RECK: variants seen among roughly 807,000 people sequenced by gnomAD.
RECK encodes the protein reversion-inducing cysteine-rich protein with Kazal motifs.
A neutral mutation model predicts 115.1 loss-of-function variants in RECK; 69 were observed. The ratio of observed to expected loss-of-function variants is 0.60; its 90% CI spans 0.49 to 0.73. The LOEUF (loss-of-function observed/expected upper bound fraction) is 0.73, where lower values mean the gene tolerates loss of function less well. Ranked by LOEUF, RECK falls within the 30% of genes least tolerant of loss-of-function variation. RECK has a pLI of 0.00. For missense variants in RECK, 1,047 were observed against 1,203.7 expected, an observed-to-expected ratio of 0.87 and a Z score of 1.93; for synonymous variants, 414 against 419.7, an observed-to-expected ratio of 0.99 and a Z score of 0.17.
intron 16 of RECK, among the ~76,000 whole-genome samples, chr9:36,113,705 A>C (rs1052363604): frequency 6.6e-5 from 10 of 152,340 alleles, no homozygotes; most frequent in African/African-American, 1.9e-4. Context: ...AAGGAATATC[A>C]CAGAGAAAGC....
intron 4 of RECK, among the ~76,000 whole-genome samples, chr9:36,062,532 C>T (rs1050827994): frequency 6.6e-6 from 1 of 151,900 alleles, no homozygotes; most frequent in African/African-American, 2.4e-5. Context: ...GGCTGGAGTG[C>T]AGTGGTGCAG....
At position 36,091,352 on chromosome 9, in the gene RECK, A is replaced by C; in HGVS notation, c.1085+9A>C. ...ACTAATTTTAACAACAGGTAAGACA[A>C]ATTATTATACATGGAATGGAAATAT... is the stretch of plus-strand genomic sequence containing the variant. On this transcript the variant is annotated intron_variant, in intron 10 of 20. Transcript: ENST00000377966. 6.9e-7 allele frequency: 1 copy of C among 1,456,124 alleles called. No individual in the cohort carries two copies. Among genetic ancestry groups the C allele is most frequent in the Non-Finnish European group, 9.1e-7 (1 of 1,095,946 alleles). The allele number at this position is 1,456,124 out of a possible 1,614,324, so 90.2% of individuals were successfully genotyped here.
At chr9:36,105,428 A>G (rs772198673) in intron 13 of RECK, 145 bp downstream of exon 13, 21 of 715,758 alleles carry the variant, frequency 2.9e-5, no homozygotes, top group Non-Finnish European at 4.5e-5. Context: ...TTCATGTTCT[A>G]TATTATGTTT....
In RECK at chr9:36,123,126, T is replaced by C; in HGVS notation, c.*81T>C. The stretch of plus-strand genomic sequence containing the variant: ...ACATTCAGGACTGCTGGTTTGTAGT[T>C]GAATATTGGCCAAGGAAAGGCACAT... On this transcript the variant is annotated 3_prime_UTR_variant, in exon 21 of 21. Coordinates refer to ENST00000377966, the MANE Select transcript of RECK (RefSeq NM_021111.3). 1 of 1,151,302 alleles carries C rather than the reference T, an allele frequency of 8.7e-7. No homozygotes were observed. Among genetic ancestry groups the C allele is most frequent in the Non-Finnish European group, 1.2e-6 (1 of 805,470 alleles). 71.3% of individuals were successfully genotyped at this position (1,151,302 alleles called of 1,614,324 possible).
chr9:36,102,122 T>C lies in RECK; in HGVS notation c.1327T>C (p.Cys443Arg). 6.2e-7 allele frequency: 1 copy of C among 1,613,438 alleles called. No homozygotes were observed. Among genetic ancestry groups the C allele is most frequent in the Non-Finnish European group, 8.5e-7 (1 of 1,179,824 alleles). The change falls in exon 12 of 21, where the codon TGT becomes CGT. Residue 443 changes from cysteine (C) to arginine (R), a missense_variant. By Grantham distance (180) the Cys-to-Arg change is radical. Transcript: ENST00000377966. ...KSDCVEILKK[C>R]GDQNKFPEDH... ...AGATTGTGTGGAGATTCTTAAAAAA[T>C]GTGGAGACCAGAACAAATTCCCTGA...
chr9:36,097,026 A>G (rs1000618370), intron 10 of RECK, among the ~76,000 whole-genome samples: 13 of 152,160 alleles, frequency 8.5e-5, no homozygotes, highest in Admixed American at 5.9e-4. Context: ...ACTCAATTTT[A>G]AAATTATGCA....
chr9:36,087,668 A>G (rs1401018349), intron 8 of RECK, 26 bp from the exon 9 acceptor site: 2 of 1,596,840 alleles, frequency 1.3e-6, no homozygotes. Flanking sequence ...ACAGCTAATT[A>G]AGCCACTTAT....
At chr9:36,041,401 G>A (rs548430866) in intron 1 of RECK, among the ~76,000 whole-genome samples, 13 of 152,322 alleles carry the variant, frequency 8.5e-5, no homozygotes, top group African/African-American at 2.9e-4. Flanking sequence ...GAGCCCTGCT[G>A]CAGTGGGGAA....
intron 16 of RECK, among the ~76,000 whole-genome samples, chr9:36,116,000 C>T (rs1320435385): frequency 6.6e-6 from 1 of 152,150 alleles, no homozygotes; most frequent in African/African-American, 2.4e-5. Flanking sequence ...GAAGCAAGGT[C>T]CTCATCTTAC....
intron 1 of RECK, among the ~76,000 whole-genome samples, chr9:36,037,816 G>T (rs1820727844): frequency 6.6e-6 from 1 of 151,974 alleles, no homozygotes; most frequent in Admixed American, 6.6e-5. Flanking sequence ...CGAATTCAAG[G>T]CAGAAATGTC....
At chr9:36,104,541 A>C (rs1823723525) in intron 12 of RECK, among the ~76,000 whole-genome samples, 2 of 144,174 alleles carry the variant, frequency 1.4e-5, no homozygotes, top group South Asian at 2.2e-4. Context: ...AAAGAGTTGC[A>C]CTCTGTCTCC....
intron 9 of RECK, among the ~76,000 whole-genome samples, chr9:36,089,731 G>GGTCC (rs1271533494): frequency 6.6e-6 from 1 of 151,914 alleles, no homozygotes; most frequent in Non-Finnish European, 1.5e-5. Context: ...TTTAGACTTG[G>GGTCC]GTCCTAGCCC....
chr9:36,046,026 A>C (rs1346518136), intron 1 of RECK, among the ~76,000 whole-genome samples: 1 of 152,200 alleles, frequency 6.6e-6, no homozygotes, highest in Non-Finnish European at 1.5e-5. Context: ...ACTCATACTG[A>C]TGTCTTTAAT....
intron 20 of RECK, among the ~76,000 whole-genome samples, chr9:36,122,284 C>T (rs963510789): frequency 7.9e-5 from 12 of 152,140 alleles, no homozygotes; most frequent in African/African-American, 2.4e-4. Context: ...TTCATCTCGT[C>T]GTTGTTTTCC....
At chr9:36,063,146 T>C (rs908685501) in intron 4 of RECK, among the ~76,000 whole-genome samples, 1 of 151,886 alleles carries the variant, frequency 6.6e-6, no homozygotes, top group Non-Finnish European at 1.5e-5. Flanking sequence ...AAAAAAAAAT[T>C]AGAACACTTT....
chr9:36,091,217 A>G lies in RECK; in HGVS notation c.959A>G (p.Gln320Arg). The G allele has an allele frequency of 6.2e-7, 1 of 1,614,098 alleles. No homozygotes were observed. Among genetic ancestry groups the G allele is most frequent in the African/African-American group, 1.3e-5 (1 of 75,048 alleles). Residue 320 changes from glutamine (Q) to arginine (R), a missense_variant, in exon 10 of 21, where the codon CAA becomes CGA. By Grantham distance (43) the Gln-to-Arg change is conservative. Coordinates refer to ENST00000377966, the MANE Select transcript of RECK (RefSeq NM_021111.3). ...AGCTGGGGCAATACACAGAGTTGGC[A>G]AGAGTTTGATCGCTTTTGTGAATAT... ...SMSWGNTQSWQEFDRFCEYNP... is the reference protein window; with the variant it reads ...SMSWGNTQSWREFDRFCEYNP...
At chr9:36,114,011 T>C (rs116123241) in intron 16 of RECK, among the ~76,000 whole-genome samples, 2,185 of 152,316 alleles carry the variant, frequency 0.014, 52 homozygotes, top group African/African-American at 0.048. Context: ...TTCAGAGACG[T>C]GGGATCCTTC....
At chr9:36,049,231 G>T (rs1821189824) in intron 1 of RECK, among the ~76,000 whole-genome samples, 1 of 151,978 alleles carries the variant, frequency 6.6e-6, no homozygotes. Context: ...TATTGATTGG[G>T]GTTTCATTAC....
Position 36,087,956 on chromosome 9 carries a change from A to G in RECK, c.900A>G (p.Thr300=). 6.2e-7 allele frequency: 1 copy of G among 1,609,210 alleles called. No individual in the cohort carries two copies. The highest frequency in any genetic ancestry group is 8.5e-7 in the Non-Finnish European group (1 of 1,176,752). The change falls in exon 9 of 21, where the codon ACA becomes ACG. Residue 300 remains threonine, a synonymous_variant. Transcript: ENST00000377966. ...LHCCSKANTS[T]CRELCTKLYS... is the part of the protein sequence containing the mutation. ...GTTGTTCTAAAGCAAACACTTCAAC[A>G]TGTAGGTTAGTATTTCATTTTCCTT...
Sources: allele counts gnomAD v4.1 joint callset (sites outside exome capture counted in the v4.1 genomes callset), GRCh38; gene constraint gnomAD v4.1.1; transcripts MANE v1.5; gene names NCBI Gene and HGNC (gene_info 2026-07-23, HGNC 2026-07-21).